The following ATOH8 variants were observed in gnomAD, a reference collection of about 807,000 sequenced individuals.
ATOH8 encodes transcription factor ATOH8.
Under a neutral mutation model 21.2 loss-of-function variants are expected in ATOH8, and 9 were observed. The observed-to-expected ratio is 0.42, with a 90% CI of 0.26 to 0.74. ATOH8 has a LOEUF of 0.74. ATOH8 is among the 30% of genes least tolerant of loss of function. The pLI is 0.24. For synonymous variants in ATOH8, 253 were observed against 224.0 expected, an observed-to-expected ratio of 1.13 and a Z score of -1.16; for missense variants, 524 against 470.9, an observed-to-expected ratio of 1.11 and a Z score of -1.04.
At chr2:85,772,222 C>T (rs553721220) in intron 2 of ATOH8, among the ~76,000 whole-genome samples, 6 of 152,240 alleles carry the variant, frequency 3.9e-5, no homozygotes, top group Non-Finnish European at 8.8e-5. Context: ...TGCGGGCACC[C>T]CCAGCTTTGT....
chr2:85,779,036 C>A (rs1310477216), intron 2 of ATOH8, among the ~76,000 whole-genome samples: 2 of 151,446 alleles, frequency 1.3e-5, no homozygotes, highest in Non-Finnish European at 3.0e-5. Context: ...GGTACTCCAG[C>A]CCGGGTGCCT....
At chr2:85,763,821 CGTGTGT>C (rs61491730) in intron 1 of ATOH8, among the ~76,000 whole-genome samples, 164 bp from the exon 2 acceptor site, 82 of 143,866 alleles carry the variant, frequency 5.7e-4, no homozygotes, top group South Asian at 1.9e-3. Flanking sequence ...GATGAGCTGA[CGTGTGT>C]GTGTGTGTGT....
At chr2:85,772,714 C>T (rs145396439) in intron 2 of ATOH8, 4 of 456,904 alleles carry the variant, frequency 8.8e-6, no homozygotes, top group African/African-American at 8.0e-5. Context: ...AGGAAACTCG[C>T]TTATGAATAA....
chr2:85,754,330 G>A lies in ATOH8; in HGVS notation c.141G>A (p.Leu47=). ...GCTATAAAACTTTCCGACTGGACTT[G>A]GAAGCGCCCGAGCCCCGCGCCGTAG... The part of the protein sequence containing the change: ...ANGYKTFRLD[L]EAPEPRAVAT... Residue 47 remains leucine (L), a synonymous_variant, in exon 1 of 3, where the codon TTG becomes TTA. Coordinates refer to ENST00000306279, the MANE Select transcript of ATOH8 (RefSeq NM_032827.7). 1.2e-6 allele frequency: 2 copies of A among 1,609,168 alleles called. No homozygotes were observed. Among genetic ancestry groups the A allele is most frequent in the South Asian group, 2.2e-5 (2 of 90,890 alleles).
rs184152824 is a variant in ATOH8, at chr2:85,755,005, G to A, written c.768+48G>A. 1,812 of 1,523,790 alleles carry A rather than the reference G, an allele frequency of 1.2e-3. 30 individuals are homozygous for A. The South Asian group carries it at 0.018, about 15-fold the overall frequency. The allele number at this position is 1,523,790 out of a possible 1,614,324, so 94.4% of individuals were successfully genotyped here. A position where few individuals can be genotyped will look rare whatever the true frequency, so the allele number is the denominator to read the frequency against. Reference sequence around the variant, plus strand: ...CCTCACTGCGCCGGGGGACGACTGCGGGAATGGGTGGGCGAGTGGCCGGGG... The same window carrying A: ...CCTCACTGCGCCGGGGGACGACTGCAGGAATGGGTGGGCGAGTGGCCGGGG... On this transcript the variant is annotated intron_variant, in intron 1 of 2. Coordinates refer to ENST00000306279, the MANE Select transcript of ATOH8 (RefSeq NM_032827.7).
chr2:85,768,956 C>T lies in ATOH8; in HGVS notation c.960+4774C>T, dbSNP rs114388369. 8.5e-3 allele frequency among the ~76,000 whole-genome samples: 1,298 copies of T among 152,282 alleles called. 15 individuals are homozygous for T. Among genetic ancestry groups the T allele is most frequent in the African/African-American group, 0.029 (1,212 of 41,546 alleles). On this transcript the variant is annotated intron_variant, in intron 2 of 2. Transcript: ENST00000306279. Reference sequence around the variant, plus strand: ...CTGGGGAGTTCAGTTCTGACTCCGGCTGCAGCCGGAGATAATGCACGTTAA... The same window carrying T: ...CTGGGGAGTTCAGTTCTGACTCCGGTTGCAGCCGGAGATAATGCACGTTAA...
Position 85,766,546 on chromosome 2 carries a change from C to T in ATOH8, c.960+2364C>T, listed in dbSNP as rs983171028. 2.6e-5 allele frequency among the ~76,000 whole-genome samples: 4 copies of T among 152,206 alleles called. No homozygotes were observed. The highest frequency in any genetic ancestry group is 7.2e-5 in the African/African-American group (3 of 41,450). On this transcript the variant is annotated intron_variant, in intron 2 of 2. Coordinates refer to ENST00000306279, the MANE Select transcript of ATOH8 (RefSeq NM_032827.7). The surrounding 1 kb of genome is among the most constrained non-coding windows in gnomAD (Gnocchi z 4.0). ...ACTCAGGAAGCCCTGGCTGGCCCTG[C>T]GTCTCCCCATGGGGGCCGGTGTTCA...
Position 85,788,946 on chromosome 2 carries a change from G to C in ATOH8, c.*2056G>C, listed in dbSNP as rs1386392780. 2.6e-5 allele frequency among the ~76,000 whole-genome samples: 4 copies of C among 152,172 alleles called. No individual in the cohort carries two copies. Among genetic ancestry groups the C allele is most frequent in the African/African-American group, 9.7e-5 (4 of 41,430 alleles). On this transcript the variant is annotated 3_prime_UTR_variant, in exon 3 of 3. Coordinates refer to ENST00000306279, the MANE Select transcript of ATOH8 (RefSeq NM_032827.7). ...CTGGACAGAGTGGGCATGGAATGGGGCCAGGAGGGTCTGTTAGGAAGGTTC... is the reference window on the plus strand; with the variant it reads ...CTGGACAGAGTGGGCATGGAATGGGCCCAGGAGGGTCTGTTAGGAAGGTTC...
chr2:85,754,003 G>A lies in ATOH8; in HGVS notation c.-187G>A. 1 of 582,044 alleles carries A rather than the reference G, an allele frequency of 1.7e-6. No individual in the cohort carries two copies. Among genetic ancestry groups the A allele is most frequent in the Non-Finnish European group, 2.8e-6 (1 of 360,412 alleles). The allele number at this position is 582,044 out of a possible 1,614,324, so 36.1% of individuals were successfully genotyped here. ...AGGCAGCGACTTCAGATGACACTCTGAGCGCTCCGGGAACGGACAGCCCGG... is the reference window on the plus strand; with the variant it reads ...AGGCAGCGACTTCAGATGACACTCTAAGCGCTCCGGGAACGGACAGCCCGG... On this transcript the variant is annotated 5_prime_UTR_variant, in exon 1 of 3. The change abolishes the stop of an existing upstream ORF in the 5' untranslated region. Transcript: ENST00000306279.
chr2:85,772,594 T>G, intron 2 of ATOH8: 1 of 416,718 alleles, frequency 2.4e-6, no homozygotes, highest in East Asian at 7.1e-5. Context: ...CCCCTGGCCA[T>G]CTGTTCCCAA....
At position 85,764,006 on chromosome 2, in the gene ATOH8, T is replaced by C. The variant is rs773258805; in HGVS notation, c.784T>C (p.Tyr262His). The change falls in exon 2 of 3, where the codon TAT (tyrosine) becomes CAT (histidine). Residue 262 changes from tyrosine to histidine, a missense_variant. Transcript: ENST00000306279. ...ALRKQVPCYS[Y>H]GQKLSKLAIL... ...CTCCCCTCAGGTGCCGTGCTACTCA[T>C]ATGGGCAGAAGCTGTCCAAACTGGC... 1.9e-6 allele frequency: 3 copies of C among 1,613,964 alleles called. No homozygotes were observed. Among genetic ancestry groups the C allele is most frequent in the South Asian group, 1.1e-5 (1 of 91,044 alleles).
chr2:85,772,227 C>T (rs544426329), intron 2 of ATOH8, among the ~76,000 whole-genome samples: 1 of 152,370 alleles, frequency 6.6e-6, no homozygotes, highest in Admixed American at 6.5e-5. Context: ...GCACCCCCAG[C>T]TTTGTGCCGC....
chr2:85,772,736 G>A (rs975041980), intron 2 of ATOH8: 5 of 457,062 alleles, frequency 1.1e-5, no homozygotes, highest in Non-Finnish European at 1.8e-5. Flanking sequence ...AGGACTGGAC[G>A]CCGTAAAAGT....
chr2:85,779,844 C>T (rs1680435407), intron 2 of ATOH8, among the ~76,000 whole-genome samples: 1 of 152,210 alleles, frequency 6.6e-6, no homozygotes, highest in Admixed American at 6.5e-5. Flanking sequence ...AGGAGCCGCC[C>T]TCCGTAAATG....
At chr2:85,775,799 A>G (rs748655922) in intron 2 of ATOH8, among the ~76,000 whole-genome samples, 7 of 152,192 alleles carry the variant, frequency 4.6e-5, no homozygotes, top group Non-Finnish European at 8.8e-5. Flanking sequence ...AACAGAGAAA[A>G]CAGCCATGTG....
Position 85,776,052 on chromosome 2 carries a change from C to T in ATOH8, c.961-10833C>T, listed in dbSNP as rs189127824. Reference sequence around the variant, plus strand: ...CCTCGTTCCTGTGCACTGCACTTTCCGGTTTGCAGAGCCCTCTCACACCCA... The same window carrying T: ...CCTCGTTCCTGTGCACTGCACTTTCTGGTTTGCAGAGCCCTCTCACACCCA... On this transcript the variant is annotated intron_variant, in intron 2 of 2. Transcript: ENST00000306279. 3.9e-5 allele frequency among the ~76,000 whole-genome samples: 6 copies of T among 152,318 alleles called. No individual in the cohort carries two copies. In the South Asian group the frequency reaches 8.3e-4, roughly 21 times the overall value.
chr2:85,754,032 C>G lies in ATOH8; in HGVS notation c.-158C>G, dbSNP rs965395643. On this transcript the variant is annotated 5_prime_UTR_variant, in exon 1 of 3. Coordinates refer to ENST00000306279, the MANE Select transcript of ATOH8 (RefSeq NM_032827.7). Reference sequence around the variant, plus strand: ...GCTCCGGGAACGGACAGCCCGGCGGCTTCCCGAAGCCGGCGGCGCAGCTGC... The same window carrying G: ...GCTCCGGGAACGGACAGCCCGGCGGGTTCCCGAAGCCGGCGGCGCAGCTGC... 6 of 885,544 alleles carry G rather than the reference C, an allele frequency of 6.8e-6. No homozygotes were observed. Among genetic ancestry groups the G allele is most frequent in the Non-Finnish European group, 9.5e-6 (6 of 633,588 alleles). 54.9% of individuals were successfully genotyped at this position (885,544 alleles called of 1,614,324 possible). A position where few individuals can be genotyped will look rare whatever the true frequency, so the allele number is the denominator to read the frequency against.
At chr2:85,783,954 T>G (rs1558618713) in intron 2 of ATOH8, among the ~76,000 whole-genome samples, 1 of 151,946 alleles carries the variant, frequency 6.6e-6, no homozygotes, top group Non-Finnish European at 1.5e-5. Context: ...AAATCAGACC[T>G]AGGCTAGACC....
chr2:85,760,560 C>G lies in ATOH8; in HGVS notation c.769-3431C>G, dbSNP rs145446389. Among the ~76,000 whole-genome samples the G allele has an allele frequency of 2.1e-3, 318 of 152,338 alleles. 2 individuals are homozygous for G. The highest frequency in any genetic ancestry group is 7.4e-3 in the African/African-American group (306 of 41,560). On this transcript the variant is annotated intron_variant, in intron 1 of 2. Coordinates refer to ENST00000306279, the MANE Select transcript of ATOH8 (RefSeq NM_032827.7). ...GCCACGAGTTCAAAACGCAGCTCTT[C>G]ACTCACCAGTTGGGAGATCCAGGAA...
Sources: allele counts gnomAD v4.1 joint callset (sites outside exome capture counted in the v4.1 genomes callset), GRCh38; gene constraint gnomAD v4.1.1; non-coding constraint Gnocchi (gnomAD v3.1); transcripts MANE v1.5; gene names NCBI Gene and HGNC (gene_info 2026-07-23, HGNC 2026-07-21).